Variants in ARHGEF37 observed in about 807,000 individuals in gnomAD.
ARHGEF37 encodes Rho guanine nucleotide exchange factor (GEF) 37.
Under a neutral mutation model 71.1 loss-of-function variants are expected in ARHGEF37, and 55 were observed. That is an observed-to-expected ratio of 0.77 (90% CI 0.62 to 0.97). ARHGEF37 has a LOEUF of 0.97. ARHGEF37 is among the 50% of genes least tolerant of loss of function. The probability of loss-of-function intolerance (pLI) is 0.00; values close to 1 mark genes in which losing one functional copy is unlikely to be tolerated. For synonymous variants in ARHGEF37, 327 were observed against 350.6 expected (o/e 0.93, Z 0.75); for missense variants, 765 against 836.8 (o/e 0.91, Z 1.06).
At chr5:149,627,550 C>T (rs1752730630) in intron 11 of ARHGEF37, among the ~76,000 whole-genome samples, 1 of 152,224 alleles carries the variant, frequency 6.6e-6, no homozygotes, top group Non-Finnish European at 1.5e-5. Flanking sequence ...AGGCCCCTGC[C>T]TGGAGGGCCT....
intron 7 of ARHGEF37, among the ~76,000 whole-genome samples, chr5:149,619,587 CTT>C (rs1435831832): frequency 1.3e-5 from 2 of 152,074 alleles, no homozygotes; most frequent in Admixed American, 1.3e-4. Context: ...GTTCTTCTGA[CTT>C]TAAGAAAAAC....
chr5:149,603,767 C>T (rs1347937967), intron 3 of ARHGEF37, among the ~76,000 whole-genome samples: 3 of 152,080 alleles, frequency 2.0e-5, no homozygotes, highest in Non-Finnish European at 4.4e-5. Flanking sequence ...GAAACCCCGT[C>T]TCTACTAAAA....
Position 149,618,321 on chromosome 5 carries a change from G to A in ARHGEF37, c.789+15G>A. ...TGATCCCCAGGGTGAGCGTGCGCCT[G>A]GGAGGAAGAGTCACATCCAGCCACC... On this transcript the variant is annotated intron_variant, in intron 6 of 12. Coordinates refer to ENST00000333677, the MANE Select transcript of ARHGEF37 (RefSeq NM_001001669.3). 24 of 1,613,938 alleles carry A rather than the reference G, an allele frequency of 1.5e-5. No individual in the cohort carries two copies. Among genetic ancestry groups the A allele is most frequent in the Non-Finnish European group, 2.0e-5 (24 of 1,179,926 alleles).
chr5:149,594,503 A>G (rs572957646), intron 1 of ARHGEF37, among the ~76,000 whole-genome samples: 2 of 152,306 alleles, frequency 1.3e-5, no homozygotes, highest in African/African-American at 4.8e-5. Context: ...ACATCCATTT[A>G]TGTACTCTCC....
intron 10 of ARHGEF37, among the ~76,000 whole-genome samples, chr5:149,625,906 G>T (rs1278606385): frequency 6.6e-6 from 1 of 152,168 alleles, no homozygotes; most frequent in Non-Finnish European, 1.5e-5. Context: ...CCTCCCAGGG[G>T]TGACGCTGTT....
intron 10 of ARHGEF37, among the ~76,000 whole-genome samples, chr5:149,626,241 AACACACACACACACAC>A (rs58263212): frequency 3.4e-4 from 46 of 133,744 alleles, no homozygotes; most frequent in African/African-American, 9.9e-4. Flanking sequence ...GAGCATGGTG[AACACACACACACACAC>A]ACACACACAC....
intron 1 of ARHGEF37, among the ~76,000 whole-genome samples, chr5:149,574,865 T>C (rs1430788098): frequency 6.6e-6 from 1 of 152,206 alleles, no homozygotes; most frequent in African/African-American, 2.4e-5. Context: ...TACCTCACTA[T>C]CACTGCACCT....
intron 1 of ARHGEF37, among the ~76,000 whole-genome samples, chr5:149,592,073 G>C (rs766018429): frequency 6.6e-6 from 1 of 152,130 alleles, no homozygotes; most frequent in East Asian, 1.9e-4. Flanking sequence ...CCTCTGTACT[G>C]TTCACCCATG....
rs1752908790 is a variant in ARHGEF37, at chr5:149,632,282, G to A, written c.*91G>A. On this transcript the variant is annotated 3_prime_UTR_variant, in exon 13 of 13. Coordinates refer to ENST00000333677, the MANE Select transcript of ARHGEF37 (RefSeq NM_001001669.3). Reference sequence around the variant, plus strand: ...GAAAAGAAGCAAAGGAAAGGTGGAGGTGGAAGGGAAGACCAGGCCAGGGTG... The same window carrying A: ...GAAAAGAAGCAAAGGAAAGGTGGAGATGGAAGGGAAGACCAGGCCAGGGTG... 1.1e-5 allele frequency: 16 copies of A among 1,451,994 alleles called. No homozygotes were observed. Among genetic ancestry groups the A allele is most frequent in the Middle Eastern group, 2.4e-4 (1 of 4,098 alleles). The allele number at this position is 1,451,994 out of a possible 1,614,324, so 89.9% of individuals were successfully genotyped here.
intron 2 of ARHGEF37, among the ~76,000 whole-genome samples, chr5:149,598,333 C>CTTCTT (rs1763625746): frequency 1.6e-3 from 117 of 74,076 alleles, no homozygotes; most frequent in African/African-American, 4.3e-3. Context: ...TTCTTTCTTC[C>CTTCTT]TCTTCCTCTT....
Position 149,624,299 on chromosome 5 carries a change from G to A in ARHGEF37, c.1464+159G>A, listed in dbSNP as rs115256047. ...TCTCTCTCCTTTCTATTTGAGCTGGGGTGGGGGGACACACCCAGATACATA... is the reference window on the plus strand; with the variant it reads ...TCTCTCTCCTTTCTATTTGAGCTGGAGTGGGGGGACACACCCAGATACATA... On this transcript the variant is annotated intron_variant, in intron 10 of 12. Transcript: ENST00000333677. Among the ~76,000 whole-genome samples, 844 of 152,190 alleles carry A rather than the reference G, an allele frequency of 5.5e-3. 10 individuals carry two copies. The highest frequency in any genetic ancestry group is 0.019 in the African/African-American group (790 of 41,514).
intron 1 of ARHGEF37, among the ~76,000 whole-genome samples, chr5:149,589,653 T>A (rs1763342043): frequency 6.6e-6 from 1 of 151,886 alleles, no homozygotes; most frequent in Non-Finnish European, 1.5e-5. Context: ...GTACCCGCCA[T>A]CACGCCTGAC....
intron 1 of ARHGEF37, among the ~76,000 whole-genome samples, chr5:149,564,026 C>T (rs560114885): frequency 6.9e-6 from 1 of 144,398 alleles, no homozygotes; most frequent in East Asian, 2.0e-4. Context: ...GATCTTGGCT[C>T]ACTGCAGCCT....
intron 11 of ARHGEF37, 130 bp downstream of exon 11, chr5:149,627,401 GACAC>G: frequency 1.0e-6 from 1 of 987,822 alleles, no homozygotes; most frequent in South Asian, 1.6e-5. Context: ...AGGCACAGGT[GACAC>G]ACACAGGGCT....
chr5:149,603,872 G>T lies in ARHGEF37; in HGVS notation c.310+2641G>T, dbSNP rs187421912. Among the ~76,000 whole-genome samples, 457 of 152,324 alleles carry T rather than the reference G, an allele frequency of 3.0e-3. 3 individuals carry two copies. Among genetic ancestry groups the T allele is most frequent in the African/African-American group, 0.011 (447 of 41,564 alleles). On this transcript the variant is annotated intron_variant, in intron 3 of 12. Coordinates refer to ENST00000333677, the MANE Select transcript of ARHGEF37 (RefSeq NM_001001669.3). ...AATCGCTTGAACCCGGGAGGCGGAGGTTGCAGGGAGCTGAGATCGTGCCAG... is the reference window on the plus strand; with the variant it reads ...AATCGCTTGAACCCGGGAGGCGGAGTTTGCAGGGAGCTGAGATCGTGCCAG...
rs1029281589 is a variant in ARHGEF37, at chr5:149,632,250, C to T, written c.*59C>T. ...TGGGGGAGGCTTAGAGGCTCTGACC[C>T]TGGGGGGAAAAGAAGCAAAGGAAAG... On this transcript the variant is annotated 3_prime_UTR_variant, in exon 13 of 13. Transcript: ENST00000333677. The T allele has an allele frequency of 1.5e-5, 23 of 1,569,894 alleles. No individual in the cohort carries two copies. In the South Asian group the frequency reaches 2.5e-4, roughly 17 times the overall value.
chr5:149,582,215 G>A (rs7719197), intron 1 of ARHGEF37, among the ~76,000 whole-genome samples: 38,977 of 152,154 alleles, frequency 0.26, 5,426 homozygotes, highest in Admixed American at 0.41. Context: ...TTAACCTTCT[G>A]GGGGTCCCTG....
chr5:149,616,935 T>A (rs1317957350), intron 5 of ARHGEF37, among the ~76,000 whole-genome samples, 169 bp downstream of exon 5: 1 of 152,224 alleles, frequency 6.6e-6, no homozygotes, highest in Non-Finnish European at 1.5e-5. Flanking sequence ...TGGCTCCAGT[T>A]CCCTGTAACT....
intron 1 of ARHGEF37, among the ~76,000 whole-genome samples, chr5:149,589,003 GAGGATCACTTGAGGCC>G (rs1259214082): frequency 6.6e-6 from 1 of 152,074 alleles, no homozygotes; most frequent in East Asian, 1.9e-4. Context: ...GCCAAGATGA[GAGGATCACTTGAGGCC>G]AGGAGTTAGA....
Sources: gnomAD v4.1 joint callset for allele counts (sites outside exome capture counted in the v4.1 genomes callset) on GRCh38, gnomAD v4.1.1 for gene constraint, MANE v1.5 for transcripts, NCBI Gene and HGNC (gene_info 2026-07-23, HGNC 2026-07-21) for gene names.